The following GPM6B variants were observed in gnomAD, a reference collection of about 807,000 sequenced individuals.
The protein encoded by GPM6B is neuronal membrane glycoprotein M6-b.
Under a neutral mutation model 27.2 loss-of-function variants are expected in GPM6B, and 4 were observed. That is an observed-to-expected ratio of 0.15 (90% CI 0.07 to 0.34). GPM6B has a LOEUF of 0.34. Among genes scored for constraint, GPM6B ranks in the 10% least tolerant of loss-of-function variants. The probability of loss-of-function intolerance (pLI) is 1.00; values close to 1 mark genes in which losing one functional copy is unlikely to be tolerated. For synonymous variants in GPM6B, 124 were observed against 103.1 expected (o/e 1.20, Z -1.23); for missense variants, 183 against 261.9 (o/e 0.70, Z 2.08).
chrX:13,901,029 A>C (rs1239337058), intron 1 of GPM6B, among the ~76,000 whole-genome samples: 1 of 112,090 alleles, frequency 8.9e-6, no homozygotes, highest in African/African-American at 3.2e-5. Flanking sequence ...TCTGAGCCTC[A>C]TTTATAAGAT....
chrX:13,821,850 C>G (rs1194166639), upstream of GPM6B, among the ~76,000 whole-genome samples: 1 of 111,766 alleles, frequency 8.9e-6, no homozygotes. Flanking sequence ...CTGCCTCAGC[C>G]TCCCAAAGTG....
chrX:13,828,900 C>A (rs1320713547), intron 1 of GPM6B, among the ~76,000 whole-genome samples: 4 of 112,012 alleles, frequency 3.6e-5, no homozygotes, highest in African/African-American at 1.3e-4. Context: ...GAGCTGTACA[C>A]GGACTTGGCC....
chrX:13,839,737 G>C (rs1209277632), intron 1 of GPM6B, among the ~76,000 whole-genome samples: 3 of 111,905 alleles, frequency 2.7e-5, no homozygotes, highest in Non-Finnish European at 5.6e-5. Context: ...CTGGAAAACT[G>C]ATGTTCAAAA....
intron 1 of GPM6B, among the ~76,000 whole-genome samples, chrX:13,851,163 C>T (rs189194341): frequency 3.5e-4 from 21 of 60,209 alleles, no homozygotes; most frequent in South Asian, 1.0e-3. Flanking sequence ...ACTCCATCTC[C>T]AAAAAAAAAA....
intron 1 of GPM6B, among the ~76,000 whole-genome samples, chrX:13,885,306 C>T (rs1231981628): frequency 8.9e-6 from 1 of 112,228 alleles, no homozygotes; most frequent in Admixed American, 9.4e-5. Flanking sequence ...CCAAATATTC[C>T]ATTAATTATC....
chrX:13,933,930 C>T (rs1358984280), intron 1 of GPM6B, among the ~76,000 whole-genome samples: 2 of 111,659 alleles, frequency 1.8e-5, no homozygotes, highest in Non-Finnish European at 3.8e-5. Context: ...CTTGACTCTA[C>T]AATAAAATAT....
rs1407680747 is a variant in GPM6B at position 13,876,294 on chromosome X, G to A, written c.-198+62033C>T. Among the ~76,000 whole-genome samples, 3 of 112,061 alleles carry A rather than the reference G, an allele frequency of 2.7e-5. No homozygotes were observed. The East Asian group carries it at 8.3e-4, about 31-fold the overall frequency. The stretch of plus-strand genomic sequence containing the variant: ...CAGATTAGGTCCTACACTACTTCCA[G>A]ATCACCAATAAGTGTATTAATATGT... On this transcript the variant is annotated intron_variant, in intron 1 of 6. Coordinates refer to the GPM6B transcript ENST00000398361.
rs753757684 is a variant in GPM6B at position 13,864,254 on chromosome X, T to C, written c.-198+74073A>G. ...GAATAATGTAAATAAATCAGCGAAATAGATCTGCAGTGTCTTATTCAGCAA... is the reference window on the plus strand; with the variant it reads ...GAATAATGTAAATAAATCAGCGAAACAGATCTGCAGTGTCTTATTCAGCAA... On this transcript the variant is annotated intron_variant, in intron 1 of 6. Coordinates refer to the GPM6B transcript ENST00000398361. Among the ~76,000 whole-genome samples, 3 of 112,942 alleles carry C rather than the reference T, an allele frequency of 2.7e-5. No homozygotes were observed. In the East Asian group the frequency reaches 8.3e-4, roughly 31 times the overall value.
intron 1 of GPM6B, among the ~76,000 whole-genome samples, chrX:13,909,041 G>A (rs2050353517): frequency 9.1e-6 from 1 of 110,132 alleles, no homozygotes; most frequent in South Asian, 3.9e-4. Flanking sequence ...TGGTACAGAG[G>A]GTTCCCACAT....
rs1403293138 is a variant in GPM6B at position 13,825,257 on chromosome X, C to CAA, written c.-197-39451_-197-39450dup. ...AGATAAGGAGAGTGAGAAGGACTATCAAGTTTGGAAGCCATGTGGGTGGTG... is the reference window on the plus strand; with the variant it reads ...AGATAAGGAGAGTGAGAAGGACTATCAAAAGTTTGGAAGCCATGTGGGTGGTG... On this transcript the variant is annotated intron_variant, in intron 1 of 6. Transcript: ENST00000398361. Among the ~76,000 whole-genome samples, 7 of 112,158 alleles carry CAA rather than the reference C, an allele frequency of 6.2e-5. No homozygotes were observed. In the Admixed American group the frequency reaches 6.6e-4, roughly 11 times the overall value.
intron 1 of GPM6B, among the ~76,000 whole-genome samples, chrX:13,808,691 T>C (rs764656150): frequency 1.8e-5 from 2 of 111,039 alleles, no homozygotes; most frequent in East Asian, 2.8e-4. Flanking sequence ...AATTGTGCCA[T>C]TGATGTGGGT....
intron 1 of GPM6B, among the ~76,000 whole-genome samples, chrX:13,877,057 C>T (rs937111285): frequency 1.6e-4 from 18 of 110,934 alleles, no homozygotes; most frequent in African/African-American, 4.9e-4. Context: ...AGGACACTTC[C>T]CTGACCTTAC....
chrX:13,931,571 T>A (rs1277164737), intron 1 of GPM6B, among the ~76,000 whole-genome samples: 1 of 111,868 alleles, frequency 8.9e-6, no homozygotes, highest in Non-Finnish European at 1.9e-5. Flanking sequence ...AAGTTGGTTC[T>A]GTTCCAATCC....
At chrX:13,887,054 A>G (rs1434407930) in intron 1 of GPM6B, among the ~76,000 whole-genome samples, 1 of 111,860 alleles carries the variant, frequency 8.9e-6, no homozygotes, top group African/African-American at 3.3e-5. Flanking sequence ...CCTGACCTCA[A>G]GTGATCTGCC....
At chrX:13,823,523 T>G (rs957726083) in intron 1 of GPM6B, among the ~76,000 whole-genome samples, 2 of 41,294 alleles carry the variant, frequency 4.8e-5, no homozygotes, top group African/African-American at 1.6e-4. Context: ...GAACCTGGTT[T>G]TTTTTTTTTT....
At chrX:13,862,307 T>C (rs772217802) in intron 1 of GPM6B, among the ~76,000 whole-genome samples, 2 of 111,440 alleles carry the variant, frequency 1.8e-5, no homozygotes, top group South Asian at 3.8e-4. Flanking sequence ...GGAGAGACAA[T>C]GGGGTAAACC....
intron 1 of GPM6B, among the ~76,000 whole-genome samples, chrX:13,812,346 C>G (rs111409072): frequency 1.8e-5 from 2 of 111,961 alleles, no homozygotes; most frequent in African/African-American, 6.5e-5. Flanking sequence ...AGCCACCACA[C>G]CCGGCAGAGA....
chrX:13,815,790 G>T (rs745905863), intron 1 of GPM6B, among the ~76,000 whole-genome samples: 28 of 111,991 alleles, frequency 2.5e-4, no homozygotes, highest in Non-Finnish European at 4.9e-4. Flanking sequence ...TAAAATGGTT[G>T]ACTATCAGCA....
chrX:13,910,042 G>T (rs2050364981), intron 1 of GPM6B, among the ~76,000 whole-genome samples: 2 of 111,955 alleles, frequency 1.8e-5, no homozygotes, highest in African/African-American at 6.5e-5. Flanking sequence ...GGTCTGATCA[G>T]TATACTTTGC....
Sources: allele counts gnomAD v4.1 joint callset (sites outside exome capture counted in the v4.1 genomes callset), GRCh38; gene constraint gnomAD v4.1.1; transcripts MANE v1.5; gene names NCBI Gene and HGNC (gene_info 2026-07-23, HGNC 2026-07-21).